The following MIPOL1 variants were observed in gnomAD, a reference collection of about 807,000 sequenced individuals.
The protein encoded by MIPOL1 is mirror-image polydactyly gene 1 protein.
In MIPOL1, 57 loss-of-function variants were observed where a neutral mutation model predicts 60.9. The observed-to-expected ratio is 0.94, with a 90% CI of 0.76 to 1.17. The LOEUF is 1.17. Among genes scored for constraint, MIPOL1 ranks in the 50% most tolerant of loss-of-function variants. The probability of loss-of-function intolerance (pLI) is 0.00; values close to 1 mark genes in which losing one functional copy is unlikely to be tolerated. For missense variants in MIPOL1, 551 were observed against 511.6 expected (o/e 1.08, Z -0.74); for synonymous variants, 179 against 168.8 (o/e 1.06, Z -0.47).
At chr14:37,257,926 C>T (rs1174768729) in intron 3 of MIPOL1, among the ~76,000 whole-genome samples, 1 of 152,102 alleles carries the variant, frequency 6.6e-6, no homozygotes, top group Non-Finnish European at 1.5e-5. Context: ...CAAAGCTATG[C>T]GGTGGACCTC....
At chr14:37,410,129 G>A (rs1414572247) in intron 10 of MIPOL1, among the ~76,000 whole-genome samples, 1 of 152,088 alleles carries the variant, frequency 6.6e-6, no homozygotes, top group Non-Finnish European at 1.5e-5. Context: ...TATAAAAGTA[G>A]CCAGCCAAAG....
At chr14:37,546,208 C>G (rs2095546859) in intron 12 of MIPOL1, 1 of 152,080 alleles carries the variant, frequency 6.6e-6, no homozygotes, top group South Asian at 2.1e-4. Flanking sequence ...TTTTAGTCAA[C>G]TAAAAAAATC....
chr14:37,209,424 C>T (rs140921326), intron 1 of MIPOL1, among the ~76,000 whole-genome samples: 2,480 of 152,034 alleles, frequency 0.016, 56 homozygotes, highest in African/African-American at 0.055. Flanking sequence ...TTTGGGAGGC[C>T]GAGGCAGGAG....
intron 11 of MIPOL1, among the ~76,000 whole-genome samples, chr14:37,449,550 G>A (rs2153573404): frequency 6.6e-6 from 1 of 152,200 alleles, no homozygotes; most frequent in East Asian, 1.9e-4. Context: ...TTGAAAAATA[G>A]GAAACAACAT....
chr14:37,499,509 A>G (rs1289497793), intron 11 of MIPOL1, among the ~76,000 whole-genome samples: 1 of 152,150 alleles, frequency 6.6e-6, no homozygotes, highest in Non-Finnish European at 1.5e-5. Context: ...TGCTTGGCAG[A>G]ATAGACCCTC....
chr14:37,299,220 T>A (rs1048651557), intron 7 of MIPOL1, among the ~76,000 whole-genome samples: 2 of 151,014 alleles, frequency 1.3e-5, no homozygotes, highest in African/African-American at 4.9e-5. Context: ...CACCTCATGT[T>A]CTCACTCATA....
chr14:37,482,695 G>C (rs2094889387), intron 11 of MIPOL1, among the ~76,000 whole-genome samples: 1 of 152,172 alleles, frequency 6.6e-6, no homozygotes, highest in African/African-American at 2.4e-5. Flanking sequence ...CCTCTCACCA[G>C]GTTCCTCCCT....
intron 9 of MIPOL1, among the ~76,000 whole-genome samples, chr14:37,352,828 A>C (rs2091504474): frequency 1.7e-5 from 1 of 59,658 alleles, no homozygotes; most frequent in Non-Finnish European, 3.2e-5. Context: ...GGTTTTCTAG[A>C]TATACAATCA....
intron 7 of MIPOL1, among the ~76,000 whole-genome samples, chr14:37,289,445 CA>C (rs1433800274): frequency 6.6e-6 from 1 of 152,324 alleles, no homozygotes; most frequent in East Asian, 1.9e-4. Context: ...TCTAACTGAC[CA>C]GCTTCAAGTT....
chr14:37,346,158 C>T (rs1355434456), intron 9 of MIPOL1, among the ~76,000 whole-genome samples: 4 of 152,068 alleles, frequency 2.6e-5, no homozygotes, highest in African/African-American at 7.2e-5. Flanking sequence ...AGTGAAACCC[C>T]GTCTCTACAA....
At chr14:37,459,506 A>T (rs79286812) in intron 11 of MIPOL1, among the ~76,000 whole-genome samples, 2,973 of 152,282 alleles carry the variant, frequency 0.02, 103 homozygotes, top group African/African-American at 0.068. Context: ...ATGAGTAATA[A>T]AATTGAAACA....
rs11347957 is a variant in MIPOL1 at position 37,348,983 on chromosome 14, C to CTTTTT, written c.829-20515_829-20511dup. ...GCGGTGCCACCATGCCCAGCTAATT[C>CTTTTT]TTTTTTTTTTTTTTTTTTTTTTTGA... On this transcript the variant is annotated intron_variant, in intron 9 of 12. Transcript: ENST00000684589. 3.6e-4 allele frequency among the ~76,000 whole-genome samples: 27 copies of CTTTTT among 74,142 alleles called. 2 individuals are homozygous for CTTTTT. The highest frequency in any genetic ancestry group is 1.0e-3 in the East Asian group (2 of 1,912). The allele number at this position is 74,142 out of a possible 152,430, so 48.6% of individuals were successfully genotyped here. A position where few individuals can be genotyped will look rare whatever the true frequency, so the allele number is the denominator to read the frequency against.
At chr14:37,425,294 T>C (rs1045651480) in intron 11 of MIPOL1, among the ~76,000 whole-genome samples, 3 of 152,220 alleles carry the variant, frequency 2.0e-5, no homozygotes, top group African/African-American at 7.2e-5. Flanking sequence ...TGCCAGTTCC[T>C]GAAGCTCCTT....
chr14:37,273,393 A>G (rs2083434643), intron 6 of MIPOL1, among the ~76,000 whole-genome samples: 1 of 150,800 alleles, frequency 6.6e-6, no homozygotes, highest in Non-Finnish European at 1.5e-5. Flanking sequence ...TTTAGAAATT[A>G]CTTGCACTCT....
intron 6 of MIPOL1, among the ~76,000 whole-genome samples, chr14:37,275,875 C>A (rs2083621784): frequency 6.6e-6 from 1 of 151,160 alleles, no homozygotes; most frequent in South Asian, 2.1e-4. Flanking sequence ...TTATGAATGA[C>A]AGAACAACTC....
intron 9 of MIPOL1, among the ~76,000 whole-genome samples, chr14:37,337,937 G>A (rs546787969): frequency 6.6e-6 from 1 of 151,850 alleles, no homozygotes; most frequent in African/African-American, 2.4e-5. Context: ...AGAAGGCTTT[G>A]TCTAACTCAT....
At chr14:37,486,880 A>C (rs1342723034) in intron 11 of MIPOL1, among the ~76,000 whole-genome samples, 2 of 151,994 alleles carry the variant, frequency 1.3e-5, no homozygotes, top group Non-Finnish European at 2.9e-5. Flanking sequence ...GTTGAATGGG[A>C]GTGGGTATGA....
At chr14:37,446,838 A>C (rs1481567360) in intron 11 of MIPOL1, among the ~76,000 whole-genome samples, 1 of 149,218 alleles carries the variant, frequency 6.7e-6, no homozygotes, top group African/African-American at 2.5e-5. Flanking sequence ...AAAACCAAAC[A>C]CCGCATGTTC....
intron 10 of MIPOL1, among the ~76,000 whole-genome samples, chr14:37,377,144 A>G (rs1195662269): frequency 6.6e-6 from 1 of 152,086 alleles, no homozygotes; most frequent in Non-Finnish European, 1.5e-5. Flanking sequence ...GTCAAACACT[A>G]TTGACTTTAT....
Sources: allele counts gnomAD v4.1 joint callset (sites outside exome capture counted in the v4.1 genomes callset), GRCh38; gene constraint gnomAD v4.1.1; transcripts MANE v1.5; gene names NCBI Gene and HGNC (gene_info 2026-07-23, HGNC 2026-07-21).